The following MACC1 variants were observed in gnomAD, a reference collection of about 807,000 sequenced individuals.
MACC1 encodes metastasis-associated in colon cancer protein 1.
In MACC1, 79 loss-of-function variants were observed where a neutral mutation model predicts 70.7. The ratio of observed to expected loss-of-function variants is 1.12; its 90% CI spans 0.93 to 1.35. The LOEUF is 1.35. MACC1 is among the 40% of genes most tolerant of loss of function. The pLI is 0.00. For missense variants in MACC1, 1,106 were observed against 978.1 expected (o/e 1.13, Z -1.74); for synonymous variants, 361 against 347.2 (o/e 1.04, Z -0.44).
intron 1 of MACC1, among the ~76,000 whole-genome samples, chr7:20,204,950 C>G (rs1273469224): frequency 1.3e-5 from 2 of 152,036 alleles, no homozygotes; most frequent in East Asian, 3.8e-4. Flanking sequence ...TCTCCTAGCA[C>G]CCTAGTTTAA....
intron 2 of MACC1, among the ~76,000 whole-genome samples, chr7:20,164,609 G>A (rs1222116517): frequency 6.6e-6 from 1 of 152,016 alleles, no homozygotes; most frequent in East Asian, 1.9e-4. Flanking sequence ...CGAAAAAATG[G>A]GTAAAATGTT....
At chr7:20,186,943 A>G (rs1222513888) in intron 1 of MACC1, among the ~76,000 whole-genome samples, 1 of 152,202 alleles carries the variant, frequency 6.6e-6, no homozygotes, top group African/African-American at 2.4e-5. Flanking sequence ...GTACAAAACA[A>G]AATACATAGA....
intron 1 of MACC1, among the ~76,000 whole-genome samples, chr7:20,172,119 A>G (rs1185967733): frequency 1.3e-5 from 2 of 152,240 alleles, no homozygotes; most frequent in African/African-American, 4.8e-5. Context: ...CTTCAGAAAA[A>G]TCCATGTTAC....
At chr7:20,204,255 C>T (rs1041749789) in intron 1 of MACC1, among the ~76,000 whole-genome samples, 8 of 152,008 alleles carry the variant, frequency 5.3e-5, no homozygotes, top group Non-Finnish European at 8.8e-5. Context: ...CCCGGGTTCA[C>T]GCCATTCTCC....
intron 1 of MACC1, among the ~76,000 whole-genome samples, chr7:20,182,668 A>C (rs1348367249): frequency 2.0e-5 from 3 of 152,172 alleles, no homozygotes; most frequent in Non-Finnish European, 2.9e-5. Context: ...CTACCGTCCA[A>C]GACCATGCTT....
chr7:20,182,840 G>T (rs1188065938), intron 1 of MACC1, among the ~76,000 whole-genome samples: 1 of 152,114 alleles, frequency 6.6e-6, no homozygotes, highest in African/African-American at 2.4e-5. Flanking sequence ...ATTAACAATA[G>T]CAGCAATATC....
chr7:20,167,690 A>G (rs1782241166), intron 2 of MACC1, among the ~76,000 whole-genome samples: 1 of 151,488 alleles, frequency 6.6e-6, no homozygotes, highest in Non-Finnish European at 1.5e-5. Context: ...GAAATTTGAG[A>G]CTACACCCTG....
At chr7:20,154,478 C>T (rs139553059) in intron 5 of MACC1, 97 bp from the exon 6 acceptor site, 7 of 1,237,880 alleles carry the variant, frequency 5.7e-6, no homozygotes, top group Non-Finnish European at 7.7e-6. Context: ...AAATGGGAGT[C>T]CTTTTTTTTC....
At chr7:20,172,784 C>T (rs910303855) in intron 1 of MACC1, among the ~76,000 whole-genome samples, 2 of 152,154 alleles carry the variant, frequency 1.3e-5, no homozygotes, top group Non-Finnish European at 2.9e-5. Context: ...CTTTTTCCTC[C>T]ATCTCCCCTT....
Position 20,136,888 on chromosome 7 carries a change from T to G in MACC1, c.*4058A>C, listed in dbSNP as rs1380528881. ...TCTTAAAGATTATTAATTATAATAT[T>G]AAATTATATTATTAATTCTTAAAGA... On this transcript the variant is annotated 3_prime_UTR_variant, in exon 7 of 7. Transcript: ENST00000400331. 1.4e-5 allele frequency: 2 copies of G among 140,782 alleles called. No homozygotes were observed. Among genetic ancestry groups the G allele is most frequent in the African/African-American group, 4.9e-5 (2 of 40,512 alleles). The allele number at this position is 140,782 out of a possible 1,614,324, so 8.7% of individuals were successfully genotyped here. A position where few individuals can be genotyped will look rare whatever the true frequency, so the allele number is the denominator to read the frequency against.
chr7:20,182,132 A>T (rs1782518689), intron 1 of MACC1, among the ~76,000 whole-genome samples: 2 of 142,546 alleles, frequency 1.4e-5, no homozygotes, highest in African/African-American at 2.6e-5. Flanking sequence ...ATAGGTGGGA[A>T]TTGAACAATG....
intron 5 of MACC1, among the ~76,000 whole-genome samples, chr7:20,157,226 C>T (rs2128102379): frequency 6.6e-6 from 1 of 152,152 alleles, no homozygotes; most frequent in Admixed American, 6.5e-5. Context: ...TATTTTTACA[C>T]TCATGTTTTA....
intron 1 of MACC1, among the ~76,000 whole-genome samples, chr7:20,178,481 G>T (rs1000461233): frequency 6.6e-6 from 1 of 152,182 alleles, no homozygotes; most frequent in African/African-American, 2.4e-5. Context: ...AGCTTCAACA[G>T]TCTGGTTGGT....
At chr7:20,172,292 C>T (rs551607771) in intron 1 of MACC1, among the ~76,000 whole-genome samples, 10 of 152,256 alleles carry the variant, frequency 6.6e-5, no homozygotes, top group South Asian at 2.1e-4. Flanking sequence ...GTTTTAAAAT[C>T]CAAACCTCTC....
chr7:20,179,135 C>A (rs1338171490), intron 1 of MACC1, among the ~76,000 whole-genome samples: 1 of 151,682 alleles, frequency 6.6e-6, no homozygotes, highest in Non-Finnish European at 1.5e-5. Flanking sequence ...TTTCTTTTTC[C>A]ATATATTAGG....
At chr7:20,181,156 C>T (rs1409689789) in intron 1 of MACC1, among the ~76,000 whole-genome samples, 1 of 151,630 alleles carries the variant, frequency 6.6e-6, no homozygotes, top group Non-Finnish European at 1.5e-5. Context: ...TACACATAAA[C>T]ATGAAAGAAA....
At position 20,154,401 on chromosome 7, in the gene MACC1, T is replaced by A; in HGVS notation, c.2158-20A>T. ...AAGAGCCTGCAGCAACAATTACATG[T>A]CACAATTAAAAGCAACTAACTTGGG... On this transcript the variant is annotated intron_variant, in intron 5 of 6. Transcript: ENST00000400331. 2.5e-6 allele frequency: 4 copies of A among 1,605,494 alleles called. No homozygotes were observed. Among genetic ancestry groups the A allele is most frequent in the Non-Finnish European group, 3.4e-6 (4 of 1,175,418 alleles).
chr7:20,145,729 A>C (rs1368665709), intron 6 of MACC1, among the ~76,000 whole-genome samples: 3 of 152,180 alleles, frequency 2.0e-5, no homozygotes, highest in African/African-American at 7.2e-5. Flanking sequence ...ATCATTATGG[A>C]GTTAGGGCAC....
intron 1 of MACC1, among the ~76,000 whole-genome samples, chr7:20,190,466 A>C (rs1451934167): frequency 6.6e-6 from 1 of 152,206 alleles, no homozygotes; most frequent in Non-Finnish European, 1.5e-5. Context: ...AACTTTCTCA[A>C]TATAAATTTA....
Sources: allele counts gnomAD v4.1 joint callset (sites outside exome capture counted in the v4.1 genomes callset), GRCh38; gene constraint gnomAD v4.1.1; transcripts MANE v1.5; gene names NCBI Gene and HGNC (gene_info 2026-07-23, HGNC 2026-07-21).